The following TENM2 variants were observed in gnomAD, a reference collection of about 807,000 sequenced individuals.
TENM2 encodes the protein teneurin-2.
A neutral mutation model predicts 245.2 loss-of-function variants in TENM2; 52 were observed. The observed-to-expected ratio is 0.21, with a 90% CI of 0.17 to 0.27. TENM2 has a LOEUF of 0.27. Ranked by LOEUF, TENM2 falls within the 10% of genes least tolerant of loss-of-function variation. The probability of loss-of-function intolerance (pLI) is 1.00; values close to 1 mark genes in which losing one functional copy is unlikely to be tolerated. For missense variants in TENM2, 3,046 were observed against 3,666.8 expected (o/e 0.83, Z 4.37); for synonymous variants, 1,363 against 1,438.9 (o/e 0.95, Z 1.19).
At chr5:167,950,222 G>T (rs1779972042) in intron 3 of TENM2, among the ~76,000 whole-genome samples, 1 of 152,150 alleles carries the variant, frequency 6.6e-6, no homozygotes, top group Non-Finnish European at 1.5e-5. Context: ...CCAGGTCGGT[G>T]CTTCTCTTCC....
intron 2 of TENM2, among the ~76,000 whole-genome samples, chr5:167,509,497 A>T (rs1432845244): frequency 6.6e-6 from 1 of 152,092 alleles, no homozygotes; most frequent in Non-Finnish European, 1.5e-5. Context: ...TCGACACTTA[A>T]TTAATGCGTT....
chr5:167,520,103 A>G (rs934461429), intron 2 of TENM2, among the ~76,000 whole-genome samples: 2 of 152,218 alleles, frequency 1.3e-5, no homozygotes, highest in African/African-American at 4.8e-5. Context: ...AGTTAATCAT[A>G]CCAGATATTT....
At chr5:167,444,298 T>TACACACAC (rs140953889) in intron 2 of TENM2, among the ~76,000 whole-genome samples, 10,462 of 150,340 alleles carry the variant, frequency 0.07, 425 homozygotes, top group Non-Finnish European at 0.095. Flanking sequence ...CACATACACA[T>TACACACAC]ACACACACAC....
chr5:167,479,676 T>C (rs527332337), intron 2 of TENM2, among the ~76,000 whole-genome samples: 1 of 152,304 alleles, frequency 6.6e-6, no homozygotes, highest in South Asian at 2.1e-4. Context: ...TTTTCATAGC[T>C]TCTTAGATTT....
intron 2 of TENM2, among the ~76,000 whole-genome samples, chr5:167,534,363 G>A (rs577637288): frequency 6.6e-6 from 1 of 152,164 alleles, no homozygotes; most frequent in Non-Finnish European, 1.5e-5. Flanking sequence ...TTAATGGACT[G>A]CAAAAACATA....
chr5:167,177,810 A>T, the TENM2 span, among the ~76,000 whole-genome samples: 1 of 152,192 alleles, frequency 6.6e-6, no homozygotes, highest in African/African-American at 2.4e-5. Context: ...CTTGTCATTA[A>T]CTTTGCCTGA....
intron 2 of TENM2, among the ~76,000 whole-genome samples, chr5:167,521,469 C>T (rs936135170): frequency 3.3e-5 from 5 of 152,174 alleles, no homozygotes; most frequent in Admixed American, 1.3e-4. Flanking sequence ...ACTAAATTTA[C>T]CCAGGAACAC....
chr5:168,127,798 C>T (rs1461644896), intron 12 of TENM2, among the ~76,000 whole-genome samples: 1 of 152,138 alleles, frequency 6.6e-6, no homozygotes, highest in African/African-American at 2.4e-5. Context: ...TAGATCAAGC[C>T]TAGGATCCAT....
intron 2 of TENM2, among the ~76,000 whole-genome samples, chr5:167,634,239 C>A (rs907306881): frequency 6.6e-6 from 1 of 152,042 alleles, no homozygotes; most frequent in Non-Finnish European, 1.5e-5. Context: ...CAATATAGCC[C>A]CAGGAAGCAT....
chr5:167,235,622 T>C, the TENM2 span, among the ~76,000 whole-genome samples: 1 of 152,220 alleles, frequency 6.6e-6, no homozygotes. Context: ...CTTTTCTCTG[T>C]AATGGCTCCT....
intron 2 of TENM2, among the ~76,000 whole-genome samples, chr5:167,602,518 G>A (rs1277421656): frequency 2.6e-5 from 4 of 152,142 alleles, no homozygotes; most frequent in Non-Finnish European, 5.9e-5. Context: ...GTCACGGTTA[G>A]GTCCAGTAAG....
At position 167,827,630 on chromosome 5, in the gene TENM2, G is replaced by GGGT. The variant is rs1554126470; in HGVS notation, c.503-48354_503-48353insTGG. ...ATTATGGCAAGGAGCTAGGTGGGCGGGGGGGGGGGAACAGTTTAATGAGCG... is the reference window on the plus strand; with the variant it reads ...ATTATGGCAAGGAGCTAGGTGGGCGGGGTGGGGGGGGGAACAGTTTAATGAGCG... On this transcript the variant is annotated intron_variant, in intron 2 of 28. Transcript: ENST00000518659. Among the ~76,000 whole-genome samples the GGGT allele has an allele frequency of 3.4e-4, 45 of 130,716 alleles. 3 individuals carry two copies. The highest frequency in any genetic ancestry group is 9.3e-4 in the South Asian group (3 of 3,216). The allele number at this position is 130,716 out of a possible 152,430, so 85.8% of individuals were successfully genotyped here.
chr5:167,926,954 A>C (rs1777816453), intron 3 of TENM2, among the ~76,000 whole-genome samples: 1 of 152,114 alleles, frequency 6.6e-6, no homozygotes. Flanking sequence ...CAAATTAAAA[A>C]CTTTAATTAA....
intron 2 of TENM2, among the ~76,000 whole-genome samples, chr5:167,506,068 A>G (rs2127562575): frequency 6.6e-6 from 1 of 152,330 alleles, no homozygotes; most frequent in East Asian, 1.9e-4. Context: ...AGTAGGAATT[A>G]ACCAGGAAGG....
chr5:166,989,345 C>T, the TENM2 span, among the ~76,000 whole-genome samples: 2 of 149,750 alleles, frequency 1.3e-5, no homozygotes, highest in Admixed American at 6.7e-5. Context: ...CTGCAACCTC[C>T]GCCTTCCAGG....
exon 5 of TENM2, chr5:167,992,962 C>T (rs568077030): frequency 1.9e-6 from 3 of 1,613,964 alleles, no homozygotes; most frequent in Non-Finnish European, 2.5e-6. Context: ...TCTTCAAGAC[C>T]TCCTCGGGGA....
rs986733773 is a variant in TENM2 at position 167,831,369 on chromosome 5, C to A, written c.503-44617C>A. Among the ~76,000 whole-genome samples, 5 of 151,926 alleles carry A rather than the reference C, an allele frequency of 3.3e-5. No homozygotes were observed. In the East Asian group the frequency reaches 9.7e-4, roughly 29 times the overall value. On this transcript the variant is annotated intron_variant, in intron 2 of 28. Coordinates refer to ENST00000518659, the Ensembl canonical transcript of TENM2. ...AAATGGAAGACCCACTCATGCATAT[C>A]TTCAGGTCCTCTGAGGTCTTATAGG...
chr5:167,218,897 G>C, the TENM2 span, among the ~76,000 whole-genome samples: 80 of 152,318 alleles, frequency 5.3e-4, no homozygotes, highest in Admixed American at 1.3e-3. Flanking sequence ...CTGTTTTACA[G>C]ATGAGCCAGT....
At chr5:167,769,715 G>C (rs1338507725) in intron 2 of TENM2, among the ~76,000 whole-genome samples, 2 of 152,002 alleles carry the variant, frequency 1.3e-5, no homozygotes, top group African/African-American at 4.8e-5. Flanking sequence ...ACACTCCTGG[G>C]CTCAATTAAA....
Sources: allele counts gnomAD v4.1 joint callset (sites outside exome capture counted in the v4.1 genomes callset), GRCh38; gene constraint gnomAD v4.1.1; transcripts MANE v1.5; gene names NCBI Gene and HGNC (gene_info 2026-07-23, HGNC 2026-07-21).